The following ATXN1 variants were observed in gnomAD, a reference collection of about 807,000 sequenced individuals.
ATXN1 encodes ataxin-1.
In ATXN1, 8 loss-of-function variants were observed where a neutral mutation model predicts 56.4. That is an observed-to-expected ratio of 0.14 (90% CI 0.08 to 0.26). The LOEUF is 0.26. Among genes scored for constraint, ATXN1 ranks in the 10% least tolerant of loss-of-function variants. The probability of loss-of-function intolerance (pLI) is 1.00; values close to 1 mark genes in which losing one functional copy is unlikely to be tolerated. For synonymous variants in ATXN1, 514 were observed against 494.6 expected (o/e 1.04, Z -0.52); for missense variants, 987 against 1,106.5 (o/e 0.89, Z 1.53).
intron 6 of ATXN1, among the ~76,000 whole-genome samples, chr6:16,392,773 G>C (rs1455183609): frequency 6.6e-6 from 1 of 152,180 alleles, no homozygotes; most frequent in East Asian, 1.9e-4. Flanking sequence ...TAGGACTAGA[G>C]GCATGAGCCA....
intron 2 of ATXN1, among the ~76,000 whole-genome samples, chr6:16,752,336 GGA>G (rs959294907): frequency 6.6e-6 from 1 of 152,112 alleles, no homozygotes; most frequent in Non-Finnish European, 1.5e-5. Context: ...CCAAACCTGT[GGA>G]GCATCAGTGC....
At chr6:16,361,471 C>T (rs768109635) in intron 6 of ATXN1, among the ~76,000 whole-genome samples, 12 of 152,136 alleles carry the variant, frequency 7.9e-5, no homozygotes, top group East Asian at 1.9e-4. Context: ...CCCTTTTCCA[C>T]AGCCTTGAGG....
chr6:16,527,503 A>C (rs1475722731), intron 4 of ATXN1, among the ~76,000 whole-genome samples: 3 of 152,184 alleles, frequency 2.0e-5, no homozygotes, highest in Admixed American at 2.0e-4. Flanking sequence ...GGAGATGCAA[A>C]GTAGAGCAAC....
chr6:16,757,310 A>G (rs1388092310), intron 1 of ATXN1, among the ~76,000 whole-genome samples: 4 of 152,214 alleles, frequency 2.6e-5, no homozygotes, highest in Non-Finnish European at 5.9e-5. Context: ...ACATTTTTTT[A>G]TACTTATTTT....
chr6:16,490,470 T>A (rs1760638194), intron 5 of ATXN1, among the ~76,000 whole-genome samples: 1 of 152,212 alleles, frequency 6.6e-6, no homozygotes, highest in South Asian at 2.1e-4. Context: ...ACCGCCTACA[T>A]CTTAAAACTC....
At chr6:16,612,884 T>C (rs547203965) in intron 3 of ATXN1, among the ~76,000 whole-genome samples, 248 of 145,928 alleles carry the variant, frequency 1.7e-3, no homozygotes, top group African/African-American at 5.7e-3. Context: ...AGAGAGACTC[T>C]GTCTTAAAAA....
chr6:16,650,558 A>G (rs1025079929), intron 3 of ATXN1, among the ~76,000 whole-genome samples: 4 of 152,246 alleles, frequency 2.6e-5, no homozygotes, highest in African/African-American at 9.6e-5. Flanking sequence ...CAATTTTGAA[A>G]TATGAATTTT....
At chr6:16,733,299 G>A (rs1417462326) in intron 2 of ATXN1, among the ~76,000 whole-genome samples, 1 of 152,248 alleles carries the variant, frequency 6.6e-6, no homozygotes, top group East Asian at 1.9e-4. Flanking sequence ...GGCAGCTCAT[G>A]TCTGTAATCC....
chr6:16,479,439 C>G (rs1368301956), intron 6 of ATXN1, among the ~76,000 whole-genome samples: 1 of 152,102 alleles, frequency 6.6e-6, no homozygotes, highest in Non-Finnish European at 1.5e-5. Context: ...TACATAGCTA[C>G]CACTGGAAAT....
rs376797949 is a variant in ATXN1 at position 16,533,915 on chromosome 6, G to A, written c.-360-11227C>T. ...CCTGGATTACTCAGGTATCATCCTT[G>A]CAAAAGTCAAACTGATACAGGGTTG... is the stretch of plus-strand genomic sequence containing the variant. On this transcript the variant is annotated intron_variant, in intron 4 of 7. Transcript: ENST00000436367. Among the ~76,000 whole-genome samples, 33 of 152,176 alleles carry A rather than the reference G, an allele frequency of 2.2e-4. No homozygotes were observed. The South Asian group carries it at 6.0e-3, about 28-fold the overall frequency.
intron 6 of ATXN1, among the ~76,000 whole-genome samples, chr6:16,329,212 T>C (rs145221770): frequency 2.0e-5 from 3 of 152,242 alleles, no homozygotes; most frequent in African/African-American, 7.2e-5. Flanking sequence ...AATGAAGCCC[T>C]TGGAGAGCAT....
chr6:16,360,596 T>C (rs1214044285), intron 6 of ATXN1, among the ~76,000 whole-genome samples: 2 of 152,182 alleles, frequency 1.3e-5, no homozygotes, highest in Non-Finnish European at 2.9e-5. Context: ...AGTAAGCCTC[T>C]TGGAAAACAC....
At chr6:16,613,271 CAAAAAAAAAA>C (rs765813165) in intron 3 of ATXN1, among the ~76,000 whole-genome samples, 1 of 52,522 alleles carries the variant, frequency 1.9e-5, no homozygotes, top group East Asian at 5.5e-4. Flanking sequence ...GACTCCGTCT[CAAAAAAAAAA>C]AAAAAAAAAA....
intron 5 of ATXN1, among the ~76,000 whole-genome samples, chr6:16,512,801 G>A (rs1171566066): frequency 6.6e-6 from 1 of 152,162 alleles, no homozygotes; most frequent in African/African-American, 2.4e-5. Context: ...CTTTAAAAGA[G>A]AGACAGGAGA....
At chr6:16,712,325 G>A (rs1380275366) in intron 2 of ATXN1, among the ~76,000 whole-genome samples, 3 of 152,134 alleles carry the variant, frequency 2.0e-5, no homozygotes, top group Admixed American at 6.5e-5. Context: ...AGGGTCTGTG[G>A]GGATAACCCC....
At chr6:16,313,044 AT>A (rs2113384163) in intron 7 of ATXN1, among the ~76,000 whole-genome samples, 1 of 152,052 alleles carries the variant, frequency 6.6e-6, no homozygotes, top group South Asian at 2.1e-4. Flanking sequence ...CACCTGGCTA[AT>A]TTTTGTATTT....
chr6:16,420,871 A>G (rs1231787557), intron 6 of ATXN1, among the ~76,000 whole-genome samples: 6 of 152,170 alleles, frequency 3.9e-5, no homozygotes, highest in African/African-American at 1.2e-4. Flanking sequence ...TATTTTAATT[A>G]AAGACTTAAA....
chr6:16,567,443 C>T (rs564663955), intron 4 of ATXN1, among the ~76,000 whole-genome samples: 7 of 152,256 alleles, frequency 4.6e-5, no homozygotes, highest in South Asian at 2.1e-4. Flanking sequence ...GAATAACTTG[C>T]GCTTATTCTG....
At chr6:16,396,174 T>G (rs924040414) in intron 6 of ATXN1, among the ~76,000 whole-genome samples, 1 of 151,818 alleles carries the variant, frequency 6.6e-6, no homozygotes, top group South Asian at 2.1e-4. Flanking sequence ...GATAAGGAGG[T>G]AGAAGACAGT....
Sources: gnomAD v4.1 joint callset for allele counts (sites outside exome capture counted in the v4.1 genomes callset) on GRCh38, gnomAD v4.1.1 for gene constraint, MANE v1.5 for transcripts, NCBI Gene and HGNC (gene_info 2026-07-23, HGNC 2026-07-21) for gene names.